The following DCC variants were observed in gnomAD, a reference collection of about 807,000 sequenced individuals.
The protein encoded by DCC is DCC netrin 1 receptor.
In DCC, 58 loss-of-function variants were observed where a neutral mutation model predicts 172.5. The observed-to-expected ratio is 0.34, with a 90% CI of 0.27 to 0.42. The LOEUF is 0.42. Among genes scored for constraint, DCC ranks in the 10% least tolerant of loss-of-function variants. The probability of loss-of-function intolerance (pLI) is 1.00; values close to 1 mark genes in which losing one functional copy is unlikely to be tolerated. For synonymous variants in DCC, 709 were observed against 644.5 expected, an observed-to-expected ratio of 1.10 and a Z score of -1.52; for missense variants, 1,740 against 1,791.0, an observed-to-expected ratio of 0.97 and a Z score of 0.51.
chr18:52,814,900 G>A (rs1036707412), intron 2 of DCC, among the ~76,000 whole-genome samples: 2 of 152,178 alleles, frequency 1.3e-5, no homozygotes, highest in Non-Finnish European at 2.9e-5. Flanking sequence ...ACCCTGGAAT[G>A]AGGTGGTGAT....
At chr18:52,470,077 T>C (rs1021280654) in intron 1 of DCC, among the ~76,000 whole-genome samples, 1 of 152,208 alleles carries the variant, frequency 6.6e-6, no homozygotes, top group Non-Finnish European at 1.5e-5. Context: ...CAGTCAAATA[T>C]GTATTTGATT....
intron 5 of DCC, among the ~76,000 whole-genome samples, chr18:53,033,681 A>C (rs776436984): frequency 3.9e-5 from 6 of 152,054 alleles, no homozygotes; most frequent in African/African-American, 1.2e-4. Flanking sequence ...ATCATTCTCA[A>C]CCACATACAA....
At chr18:53,405,784 T>A (rs1028281609) in intron 19 of DCC, among the ~76,000 whole-genome samples, 1 of 152,194 alleles carries the variant, frequency 6.6e-6, no homozygotes, top group African/African-American at 2.4e-5. Context: ...TATAAATGAT[T>A]ACATATTCCT....
chr18:52,906,062 C>T lies in DCC; in HGVS notation c.431C>T (p.Ser144Leu). The T allele has an allele frequency of 6.2e-7, 1 of 1,611,684 alleles. No individual in the cohort carries two copies. Residue 144 changes from serine to leucine, a missense_variant, in exon 3 of 29, where the codon TCA becomes TTA. Physicochemically the swap from Ser to Leu is moderately radical, Grantham distance 145. Transcript: ENST00000442544. ...VAVAGPLRFL[S>L]QTESVTAFMG... is the part of the protein sequence containing the mutation. Reference sequence around the variant, plus strand: ...CTCCTAGGACCACTGAGGTTCCTTTCACAGACAGAATCTGTCACAGCCTTC... The same window carrying T: ...CTCCTAGGACCACTGAGGTTCCTTTTACAGACAGAATCTGTCACAGCCTTC...
In DCC at chr18:52,983,937, T is replaced by C. The variant is rs183558173; in HGVS notation, c.985+58567T>C. 9.0e-4 allele frequency among the ~76,000 whole-genome samples: 137 copies of C among 152,270 alleles called. 1 individual carries two copies. Among genetic ancestry groups the C allele is most frequent in the African/African-American group, 3.2e-3 (131 of 41,574 alleles). On this transcript the variant is annotated intron_variant, in intron 5 of 28. Coordinates refer to ENST00000442544, the MANE Select transcript of DCC (RefSeq NM_005215.4). ...TTATTTTTTTCATATGGCACTGAGCTGAGTTAGGCCTGCTAAGCAAAGACG... is the reference window on the plus strand; with the variant it reads ...TTATTTTTTTCATATGGCACTGAGCCGAGTTAGGCCTGCTAAGCAAAGACG...
Position 53,162,277 on chromosome 18 carries a change from T to C in DCC, c.1418+4765T>C, listed in dbSNP as rs1291596230. ...TCGTGCTACTGCACCCCAGCTTGGG[T>C]GACAAAGCAAGACTCTGCCTCAAAA... is the stretch of plus-strand genomic sequence containing the variant. On this transcript the variant is annotated intron_variant, in intron 8 of 28. Transcript: ENST00000442544. 6.1e-4 allele frequency among the ~76,000 whole-genome samples: 82 copies of C among 134,802 alleles called. 1 individual carries two copies. Among genetic ancestry groups the C allele is most frequent in the African/African-American group, 2.2e-3 (78 of 35,618 alleles). The allele number at this position is 134,802 out of a possible 152,430, so 88.4% of individuals were successfully genotyped here.
intron 1 of DCC, among the ~76,000 whole-genome samples, chr18:52,558,928 C>T (rs568966466): frequency 6.6e-6 from 1 of 152,240 alleles, no homozygotes; most frequent in East Asian, 1.9e-4. Context: ...GACAAGGAAA[C>T]CGAGGTTGGG....
chr18:53,384,133 G>A (rs1418384369), intron 15 of DCC, among the ~76,000 whole-genome samples: 1 of 152,034 alleles, frequency 6.6e-6, no homozygotes, highest in Non-Finnish European at 1.5e-5. Context: ...TATGCCTAAA[G>A]CTCATTTACT....
In DCC at chr18:53,430,285, G is replaced by A. The variant is rs556776830; in HGVS notation, c.3164-4859G>A. Among the ~76,000 whole-genome samples the A allele has an allele frequency of 1.1e-4, 16 of 152,196 alleles. No homozygotes were observed. In the East Asian group the frequency reaches 3.1e-3, roughly 29 times the overall value. On this transcript the variant is annotated intron_variant, in intron 21 of 28. Transcript: ENST00000442544. ...AGTCTGTCCATTTGATTTAGATTAT[G>A]GACAATACGTTTTTCTCTAGGGATT...
At chr18:52,354,035 A>G (rs921374951) in intron 1 of DCC, among the ~76,000 whole-genome samples, 5 of 152,216 alleles carry the variant, frequency 3.3e-5, no homozygotes, top group African/African-American at 1.2e-4. Flanking sequence ...AAGGGAAGAG[A>G]GAGAACAAAA....
rs771929685 is a variant in DCC at position 52,513,400 on chromosome 18, A to C, written c.91+172522A>C. On this transcript the variant is annotated intron_variant, in intron 1 of 28. Coordinates refer to ENST00000442544, the MANE Select transcript of DCC (RefSeq NM_005215.4). ...TTTCCTTCTCTGTAAAACAAAGTTA[A>C]TACTGGTACCCACTTCAAGGACTGT... 3.6e-5 allele frequency among the ~76,000 whole-genome samples: 5 copies of C among 138,846 alleles called. 1 individual carries two copies. In the Middle Eastern group the frequency reaches 0.019, roughly 518 times the overall value. 91.1% of individuals were successfully genotyped at this position (138,846 alleles called of 152,430 possible). A position where few individuals can be genotyped will look rare whatever the true frequency, so the allele number is the denominator to read the frequency against.
intron 2 of DCC, among the ~76,000 whole-genome samples, chr18:52,757,483 C>T (rs925979062): frequency 1.3e-5 from 2 of 152,096 alleles, no homozygotes; most frequent in African/African-American, 2.4e-5. Flanking sequence ...CCCTGTCCAC[C>T]CTTCCCCACA....
At chr18:53,108,954 C>T (rs1434636825) in intron 7 of DCC, among the ~76,000 whole-genome samples, 1 of 150,640 alleles carries the variant, frequency 6.6e-6, no homozygotes, top group Non-Finnish European at 1.5e-5. Context: ...TGTGGAACTG[C>T]ACATTTTCAA....
chr18:52,505,780 TA>T (rs34070555), intron 1 of DCC, among the ~76,000 whole-genome samples: 3,021 of 152,258 alleles, frequency 0.02, 107 homozygotes, highest in East Asian at 0.095. Flanking sequence ...GTAAAAATAA[TA>T]AAATGAAAAT....
chr18:52,698,542 A>G (rs2036048845), intron 1 of DCC, among the ~76,000 whole-genome samples: 6 of 151,580 alleles, frequency 4.0e-5, no homozygotes. Context: ...CCATTGTTCT[A>G]CCATGTTCCC....
At chr18:52,532,630 T>C (rs2032183240) in intron 1 of DCC, among the ~76,000 whole-genome samples, 1 of 152,108 alleles carries the variant, frequency 6.6e-6, no homozygotes, top group Admixed American at 6.6e-5. Flanking sequence ...AAACCCTTTT[T>C]TCAAATGAGT....
chr18:53,302,727 G>T (rs916016976), intron 12 of DCC, among the ~76,000 whole-genome samples: 1 of 151,882 alleles, frequency 6.6e-6, no homozygotes. Context: ...TTATTTGACT[G>T]GACATTAAAT....
intron 7 of DCC, among the ~76,000 whole-genome samples, chr18:53,144,779 G>C (rs1598846092): frequency 2.0e-5 from 3 of 152,136 alleles, no homozygotes; most frequent in African/African-American, 7.2e-5. Context: ...GAGACTGTAC[G>C]TAACTGAACT....
At chr18:53,379,441 C>T (rs909304353) in intron 15 of DCC, among the ~76,000 whole-genome samples, 2 of 152,204 alleles carry the variant, frequency 1.3e-5, no homozygotes, top group Admixed American at 6.5e-5. Flanking sequence ...CAGCTTTTGT[C>T]GCCAAGTACA....
Sources: gnomAD v4.1 joint callset for allele counts (sites outside exome capture counted in the v4.1 genomes callset) on GRCh38, gnomAD v4.1.1 for gene constraint, MANE v1.5 for transcripts, NCBI Gene and HGNC (gene_info 2026-07-23, HGNC 2026-07-21) for gene names.